The following FGD4 variants were observed in gnomAD, a reference collection of about 807,000 sequenced individuals.
The protein encoded by FGD4 is FYVE, RhoGEF and PH domain containing 4.
In FGD4, 42 loss-of-function variants were observed where a neutral mutation model predicts 102.0. The ratio of observed to expected loss-of-function variants is 0.41; its 90% CI spans 0.32 to 0.53. The LOEUF (loss-of-function observed/expected upper bound fraction) is 0.53, where lower values mean the gene tolerates loss of function less well. FGD4 is among the 20% of genes least tolerant of loss of function. The pLI is 0.21. For missense variants in FGD4, 902 were observed against 1,078.2 expected, an observed-to-expected ratio of 0.84 and a Z score of 2.29; for synonymous variants, 380 against 375.7, an observed-to-expected ratio of 1.01 and a Z score of -0.13.
intron 1 of FGD4, among the ~76,000 whole-genome samples, chr12:32,500,843 AT>A (rs1251284157): frequency 1.3e-5 from 2 of 152,214 alleles, no homozygotes; most frequent in Non-Finnish European, 2.9e-5. Flanking sequence ...TTGCACTAGA[AT>A]TTTAAAACAG....
chr12:32,531,140 C>T (rs949271069), intron 1 of FGD4, among the ~76,000 whole-genome samples: 2 of 151,454 alleles, frequency 1.3e-5, no homozygotes, highest in Non-Finnish European at 2.9e-5. Context: ...TTAGTAGAGA[C>T]AGGGTTTCAC....
chr12:32,470,817 T>C (rs1943398411), intron 1 of FGD4, among the ~76,000 whole-genome samples: 1 of 152,186 alleles, frequency 6.6e-6, no homozygotes, highest in Admixed American at 6.5e-5. Context: ...CCTTGCTGAC[T>C]TCCACATTCT....
chr12:32,579,100 G>T (rs947089624), intron 3 of FGD4, among the ~76,000 whole-genome samples: 1 of 144,054 alleles, frequency 6.9e-6, no homozygotes, highest in Middle Eastern at 3.9e-3. Flanking sequence ...AGGCTGGAGG[G>T]CAATGGCACG....
intron 1 of FGD4, among the ~76,000 whole-genome samples, chr12:32,555,563 C>T (rs1944028954): frequency 6.8e-6 from 1 of 146,388 alleles, no homozygotes; most frequent in Admixed American, 6.8e-5. Flanking sequence ...TTTTAAGAGA[C>T]AAGGTCTTTT....
intron 3 of FGD4, among the ~76,000 whole-genome samples, chr12:32,577,910 G>A (rs1946261232): frequency 6.6e-6 from 1 of 152,194 alleles, no homozygotes; most frequent in Non-Finnish European, 1.5e-5. Context: ...CTAGATTTCA[G>A]GGATAACTCT....
chr12:32,463,591 G>A, intron 1 of FGD4, among the ~76,000 whole-genome samples: 1 of 152,196 alleles, frequency 6.6e-6, no homozygotes, highest in East Asian at 1.9e-4. Flanking sequence ...AATGAACATG[G>A]AAGCCTGGGT....
Position 32,643,738 on chromosome 12 carries a change from G to A in FGD4, c.*3205G>A, listed in dbSNP as rs931055159. 4 of 151,716 alleles carry A rather than the reference G, an allele frequency of 2.6e-5. No homozygotes were observed. Among genetic ancestry groups the A allele is most frequent in the African/African-American group, 9.7e-5 (4 of 41,344 alleles). 9.4% of individuals were successfully genotyped at this position (151,716 alleles called of 1,614,324 possible). A position where few individuals can be genotyped will look rare whatever the true frequency, so the allele number is the denominator to read the frequency against. Reference sequence around the variant, plus strand: ...AGAAAACGATAAAGTTTGTGGTACTGCAGGGTTGTTAAAGATTCTTTGATG... The same window carrying A: ...AGAAAACGATAAAGTTTGTGGTACTACAGGGTTGTTAAAGATTCTTTGATG... On this transcript the variant is annotated 3_prime_UTR_variant, in exon 17 of 17. Transcript: ENST00000534526.
intron 1 of FGD4, among the ~76,000 whole-genome samples, chr12:32,476,399 G>A (rs1247574925): frequency 7.9e-5 from 12 of 152,184 alleles, no homozygotes; most frequent in African/African-American, 2.9e-4. Context: ...TCTCTGATCT[G>A]TGTGCTGACA....
chr12:32,455,189 A>G (rs1222710399), intron 1 of FGD4, among the ~76,000 whole-genome samples: 1 of 152,198 alleles, frequency 6.6e-6, no homozygotes, highest in African/African-American at 2.4e-5. Flanking sequence ...TTTGACAATA[A>G]CATTGTGAAT....
In FGD4 at chr12:32,640,402, A is replaced by C; in HGVS notation, c.2581A>C (p.Ser861Arg). The change falls in exon 17 of 17, where the codon AGT becomes CGT. Residue 861 changes from serine to arginine, a missense_variant. By Grantham distance (110) the Ser-to-Arg change is moderately radical. Transcript: ENST00000534526. The part of the protein sequence containing the change: ...SKSVHSFAAD[S>R]EELKQKWLKV... Reference sequence around the variant, plus strand: ...GTCCGTGCACAGCTTTGCTGCAGACAGTGAGGAACTGAAGCAGAAGTGGCT... The same window carrying C: ...GTCCGTGCACAGCTTTGCTGCAGACCGTGAGGAACTGAAGCAGAAGTGGCT... 6.2e-7 allele frequency: 1 copy of C among 1,614,236 alleles called. No individual in the cohort carries two copies. Among genetic ancestry groups the C allele is most frequent in the African/African-American group, 1.3e-5 (1 of 75,058 alleles).
chr12:32,539,805 A>G (rs1942653045), intron 1 of FGD4, among the ~76,000 whole-genome samples: 2 of 152,196 alleles, frequency 1.3e-5, no homozygotes, highest in South Asian at 2.1e-4. Context: ...GTAATTATAC[A>G]TTATTAGATT....
At chr12:32,613,358 A>G (rs1490386348) in intron 10 of FGD4, among the ~76,000 whole-genome samples, 1 of 152,224 alleles carries the variant, frequency 6.6e-6, no homozygotes, top group African/African-American at 2.4e-5. Flanking sequence ...TGAAAAAACT[A>G]TGCGTAGATT....
At chr12:32,518,900 A>G (rs1248279531) in intron 1 of FGD4, among the ~76,000 whole-genome samples, 1 of 151,944 alleles carries the variant, frequency 6.6e-6, no homozygotes, top group Admixed American at 6.6e-5. Context: ...AGATCACCTG[A>G]TGTTGGGAGG....
At chr12:32,432,076 T>A (rs1942065217) in intron 1 of FGD4, among the ~76,000 whole-genome samples, 1 of 144,494 alleles carries the variant, frequency 6.9e-6, no homozygotes, top group Non-Finnish European at 1.5e-5. Context: ...TTTTTTTTTT[T>A]TTAGACAGAG....
chr12:32,625,149 C>A, intron 13 of FGD4, 81 bp downstream of exon 13: 1 of 1,222,100 alleles, frequency 8.2e-7, no homozygotes, highest in Non-Finnish European at 1.2e-6. Context: ...TTTTGTTCTC[C>A]AACCTTTTCC....
chr12:32,621,237 A>G (rs1216435085), intron 11 of FGD4, among the ~76,000 whole-genome samples: 1 of 152,030 alleles, frequency 6.6e-6, no homozygotes, highest in Non-Finnish European at 1.5e-5. Context: ...TTAGCCAGGC[A>G]TGATCCTGTT....
intron 4 of FGD4, among the ~76,000 whole-genome samples, chr12:32,586,438 A>G (rs1947038288): frequency 1.3e-5 from 2 of 152,200 alleles, no homozygotes; most frequent in South Asian, 2.1e-4. Context: ...CGCATAATGT[A>G]TGGTCACTCT....
chr12:32,570,960 G>A (rs1330167833), intron 2 of FGD4, among the ~76,000 whole-genome samples: 2 of 152,042 alleles, frequency 1.3e-5, no homozygotes, highest in Non-Finnish European at 2.9e-5. Flanking sequence ...GATGTTATAT[G>A]GTTATCTTAA....
chr12:32,560,865 ATTTTTT>A (rs965538106), intron 1 of FGD4, among the ~76,000 whole-genome samples: 1 of 150,794 alleles, frequency 6.6e-6, no homozygotes, highest in Non-Finnish European at 1.5e-5. Context: ...GCTAATTTTT[ATTTTTT>A]TTAAGTAAAG....
Sources: gnomAD v4.1 joint callset for allele counts (sites outside exome capture counted in the v4.1 genomes callset) on GRCh38, gnomAD v4.1.1 for gene constraint, MANE v1.5 for transcripts, NCBI Gene and HGNC (gene_info 2026-07-23, HGNC 2026-07-21) for gene names.